MACC1: variants seen among roughly 807,000 people sequenced by gnomAD.
MACC1 encodes metastasis-associated in colon cancer protein 1.
A neutral mutation model predicts 70.7 loss-of-function variants in MACC1; 79 were observed. That is an observed-to-expected ratio of 1.12 (90% CI 0.93 to 1.35). The LOEUF (loss-of-function observed/expected upper bound fraction) is 1.35. MACC1 is among the 40% of genes most tolerant of loss of function. The probability of loss-of-function intolerance (pLI) is 0.00; values close to 1 mark genes in which losing one functional copy is unlikely to be tolerated. For missense variants in MACC1, 1,106 were observed against 978.1 expected, an observed-to-expected ratio of 1.13 and a Z score of -1.74; for synonymous variants, 361 against 347.2, an observed-to-expected ratio of 1.04 and a Z score of -0.44.
chr7:20,200,566 C>T (rs1386543333), intron 1 of MACC1, among the ~76,000 whole-genome samples: 1 of 152,202 alleles, frequency 6.6e-6, no homozygotes, highest in African/African-American at 2.4e-5. Flanking sequence ...AACTGCCAAA[C>T]TCATCACAAG....
chr7:20,174,107 T>G (rs1782356552), intron 1 of MACC1, among the ~76,000 whole-genome samples: 1 of 152,174 alleles, frequency 6.6e-6, no homozygotes, highest in Non-Finnish European at 1.5e-5. Context: ...ACTTTCTCAA[T>G]CCTCTTTGGA....
chr7:20,183,111 G>A (rs1158183262), intron 1 of MACC1, among the ~76,000 whole-genome samples: 1 of 152,146 alleles, frequency 6.6e-6, no homozygotes, highest in African/African-American at 2.4e-5. Flanking sequence ...GACATTGTAT[G>A]GCAAAAGGGA....
At chr7:20,196,347 A>AT (rs1475283439) in intron 1 of MACC1, among the ~76,000 whole-genome samples, 1 of 151,738 alleles carries the variant, frequency 6.6e-6, no homozygotes, top group Non-Finnish European at 1.5e-5. Context: ...CGCCCGGCTA[A>AT]TTTTTTGTAT....
chr7:20,215,078 G>GTTTGTTTA (rs370832078), intron 1 of MACC1, among the ~76,000 whole-genome samples: 1 of 147,268 alleles, frequency 6.8e-6, no homozygotes, highest in Non-Finnish European at 1.5e-5. Context: ...TACATCTCAA[G>GTTTGTTTA]TTTATTTATT....
chr7:20,188,918 C>T (rs1032091713), intron 1 of MACC1, among the ~76,000 whole-genome samples: 3 of 152,196 alleles, frequency 2.0e-5, no homozygotes, highest in Non-Finnish European at 4.4e-5. Context: ...GTTATATAGC[C>T]TATATGGCTT....
intron 1 of MACC1, among the ~76,000 whole-genome samples, chr7:20,201,457 TAGGGGCAGAGGCAAGGATGGGGG>T (rs1782832332): frequency 6.6e-6 from 1 of 150,760 alleles, no homozygotes; most frequent in Non-Finnish European, 1.5e-5. Flanking sequence ...AGCAGTGGGG[TAGGGGCAGAGGCAAGGATGGGGG>T]AGGGGCAAGA....
chr7:20,216,985 T>C (rs1200565519), intron 1 of MACC1, among the ~76,000 whole-genome samples: 1 of 152,214 alleles, frequency 6.6e-6, no homozygotes, highest in Non-Finnish European at 1.5e-5. Flanking sequence ...GCCATCTACA[T>C]ATTTTAAGCA....
chr7:20,202,364 T>A (rs1414714445), intron 1 of MACC1, among the ~76,000 whole-genome samples: 2 of 152,220 alleles, frequency 1.3e-5, no homozygotes, highest in East Asian at 3.8e-4. Flanking sequence ...AGTTTCCTTC[T>A]TTTAGAAATT....
At chr7:20,153,208 C>T (rs1184029203) in intron 6 of MACC1, 3 of 152,198 alleles carry the variant, frequency 2.0e-5, no homozygotes, top group African/African-American at 7.2e-5. Context: ...GCTGACACTT[C>T]CACTGCAGCT....
chr7:20,213,304 G>A (rs549031165), intron 1 of MACC1, among the ~76,000 whole-genome samples: 50 of 152,294 alleles, frequency 3.3e-4, no homozygotes, highest in Non-Finnish European at 6.5e-4. Flanking sequence ...TAGAGAAAAA[G>A]GAACGCTTAT....
chr7:20,142,701 A>T (rs1330620074), intron 6 of MACC1, among the ~76,000 whole-genome samples: 1 of 152,324 alleles, frequency 6.6e-6, no homozygotes, highest in South Asian at 2.1e-4. Context: ...GTCAGACTCA[A>T]TCTTGGTTGT....
Position 20,158,889 on chromosome 7 carries a change from G to A in MACC1, c.1472C>T (p.Pro491Leu), listed in dbSNP as rs920762624. 2 of 1,613,902 alleles carry A rather than the reference G, an allele frequency of 1.2e-6. No homozygotes were observed. Among genetic ancestry groups the A allele is most frequent in the Non-Finnish European group, 1.7e-6 (2 of 1,180,022 alleles). ...CTGTGCAACTGGTTCACCATTGGGA[G>A]GCTCCACTTGAACACAAAAATCAAA... ...HLFDFCVQVE[P>L]PNGEPVAQFS... Residue 491 changes from proline (P) to leucine (L), a missense_variant, in exon 5 of 7, where the codon CCT becomes CTT. Pro to Leu is a moderately conservative substitution (Grantham distance 98). Coordinates refer to ENST00000400331, the MANE Select transcript of MACC1 (RefSeq NM_182762.4).
rs1781769247 is a variant in MACC1, at chr7:20,139,757, T to G, written c.*1189A>C. 1 of 152,020 alleles carries G rather than the reference T, an allele frequency of 6.6e-6. No individual in the cohort carries two copies. The highest frequency in any genetic ancestry group is 1.5e-5 in the Non-Finnish European group (1 of 68,022). The allele number at this position is 152,020 out of a possible 1,614,324, so 9.4% of individuals were successfully genotyped here. On this transcript the variant is annotated 3_prime_UTR_variant, in exon 7 of 7. Transcript: ENST00000400331. ...CTTTGTCAGCCATTAGCATTTATAC[T>G]GACCCAGGGTCCTATACAATTTTTG...
chr7:20,198,724 T>C (rs540179942), intron 1 of MACC1: 3 of 152,356 alleles, frequency 2.0e-5, no homozygotes, highest in African/African-American at 7.2e-5. Context: ...AAATTACTTG[T>C]ATATTTTCTA....
intron 1 of MACC1, among the ~76,000 whole-genome samples, chr7:20,178,408 TACCTTCA>T (rs1374929669): frequency 6.6e-6 from 1 of 152,200 alleles, no homozygotes; most frequent in Non-Finnish European, 1.5e-5. Context: ...TACAGTTGTA[TACCTTCA>T]ACATTTTGAA....
At chr7:20,212,679 T>C (rs1164879835) in intron 1 of MACC1, among the ~76,000 whole-genome samples, 1 of 151,972 alleles carries the variant, frequency 6.6e-6, no homozygotes, top group African/African-American at 2.4e-5. Context: ...CCTTTTCTGC[T>C]TGAAGGTCCA....
chr7:20,159,713 G>A lies in MACC1; in HGVS notation c.648C>T (p.Cys216=), dbSNP rs1410614059. The A allele has an allele frequency of 6.2e-7, 1 of 1,614,134 alleles. No individual in the cohort carries two copies. The highest frequency in any genetic ancestry group is 1.3e-5 in the African/African-American group (1 of 75,060). The change falls in exon 5 of 7, where the codon TGC becomes TGT. Residue 216 remains cysteine (C), a synonymous_variant. Transcript: ENST00000400331. ...QTQLAEVTIA[C]KVNHQGGSVQ... is the part of the protein sequence containing the mutation. The stretch of plus-strand genomic sequence containing the variant: ...CTGACCCTCCTTGATGGTTTACTTT[G>A]CAAGCTATGGTGACCTCCGCAAGTT...
intron 3 of MACC1, among the ~76,000 whole-genome samples, chr7:20,162,642 T>A (rs1782155671): frequency 6.6e-6 from 1 of 152,100 alleles, no homozygotes; most frequent in South Asian, 2.1e-4. Flanking sequence ...ATATGAAGGA[T>A]TGATACATGG....
intron 1 of MACC1, among the ~76,000 whole-genome samples, chr7:20,207,283 G>A (rs1457174890): frequency 1.3e-5 from 2 of 151,372 alleles, no homozygotes; most frequent in Non-Finnish European, 2.9e-5. Flanking sequence ...TGGGATTACA[G>A]GCATGTGCCA....
Sources: gnomAD v4.1 joint callset for allele counts (sites outside exome capture counted in the v4.1 genomes callset) on GRCh38, gnomAD v4.1.1 for gene constraint, MANE v1.5 for transcripts, NCBI Gene and HGNC (gene_info 2026-07-23, HGNC 2026-07-21) for gene names.